ANO10: variants seen among roughly 807,000 people sequenced by gnomAD.
ANO10 encodes anoctamin-10.
Under a neutral mutation model 74.7 loss-of-function variants are expected in ANO10, and 77 were observed. The observed-to-expected ratio is 1.03, with a 90% CI of 0.86 to 1.25. The LOEUF is 1.25. Ranked by LOEUF, ANO10 falls within the 50% of genes most tolerant of loss-of-function variation. ANO10 has a pLI of 0.00. For missense variants in ANO10, 721 were observed against 778.1 expected (o/e 0.93, Z 0.87); for synonymous variants, 279 against 284.9 (o/e 0.98, Z 0.21).
intron 1 of ANO10, among the ~76,000 whole-genome samples, chr3:43,631,360 T>A (rs1010434645): frequency 6.6e-6 from 1 of 152,232 alleles, no homozygotes; most frequent in African/African-American, 2.4e-5. Context: ...GTTTGAGATA[T>A]CTCCTTGTTT....
intron 11 of ANO10, chr3:43,485,195 G>A (rs1260005915): frequency 4.3e-6 from 3 of 700,024 alleles, no homozygotes; most frequent in Non-Finnish European, 7.7e-6. Context: ...CGGTGGTCAG[G>A]TACCGGTATT....
intron 12 of ANO10, among the ~76,000 whole-genome samples, chr3:43,398,176 A>G (rs1168829151): frequency 2.0e-5 from 3 of 152,246 alleles, no homozygotes; most frequent in Non-Finnish European, 4.4e-5. Context: ...AGGGTTGTTT[A>G]GAACAAATAA....
At chr3:43,566,499 A>C (rs1393602319) in intron 7 of ANO10, among the ~76,000 whole-genome samples, 2 of 152,212 alleles carry the variant, frequency 1.3e-5, no homozygotes, top group African/African-American at 4.8e-5. Context: ...GAGAATGGGC[A>C]GACTGCCTCT....
intron 7 of ANO10, among the ~76,000 whole-genome samples, chr3:43,574,423 A>G (rs2080899371): frequency 6.6e-6 from 1 of 151,606 alleles, no homozygotes; most frequent in Admixed American, 6.6e-5. Context: ...GGCCTGCGTC[A>G]TCATAGCCAG....
chr3:43,621,132 C>T (rs1029232532), intron 1 of ANO10, among the ~76,000 whole-genome samples: 1 of 152,164 alleles, frequency 6.6e-6, no homozygotes, highest in Non-Finnish European at 1.5e-5. Context: ...TAAACCTCAG[C>T]TGCACTTTTT....
chr3:43,401,020 G>A (rs2148869574), intron 12 of ANO10, among the ~76,000 whole-genome samples: 1 of 152,252 alleles, frequency 6.6e-6, no homozygotes, highest in South Asian at 2.1e-4. Flanking sequence ...TGTTTCCTGG[G>A]AGAAAAGTAT....
At chr3:43,624,257 T>C (rs940130533), upstream of ANO10, among the ~76,000 whole-genome samples, 1 of 152,196 alleles carries the variant, frequency 6.6e-6, no homozygotes, top group Non-Finnish European at 1.5e-5. Flanking sequence ...TATTATGTTT[T>C]TTCGACCTGA....
intron 1 of ANO10, chr3:43,691,222 G>A: frequency 2.0e-6 from 1 of 506,840 alleles, no homozygotes; most frequent in Non-Finnish European, 3.1e-6. Context: ...CGCTCTGCCT[G>A]GGAGAGGCTC....
At chr3:43,686,660 A>G (rs1358729344) in intron 1 of ANO10, among the ~76,000 whole-genome samples, 2 of 152,238 alleles carry the variant, frequency 1.3e-5, no homozygotes, top group South Asian at 4.1e-4. Context: ...CTAGCCACGT[A>G]TGGCTTCTAA....
chr3:43,634,856 A>T (rs955746047), intron 1 of ANO10, among the ~76,000 whole-genome samples: 7 of 152,280 alleles, frequency 4.6e-5, no homozygotes, highest in Admixed American at 4.6e-4. Context: ...TCGTGAGAGG[A>T]TTGATGGCAG....
At chr3:43,594,911 TA>T (rs1181236710) in intron 4 of ANO10, among the ~76,000 whole-genome samples, 17 of 151,756 alleles carry the variant, frequency 1.1e-4, no homozygotes, top group African/African-American at 4.1e-4. Context: ...ATAGACACAA[TA>T]AAAAATGATA....
At chr3:43,414,367 TTATTAA>T (rs1206612967) in intron 12 of ANO10, among the ~76,000 whole-genome samples, 3 of 152,122 alleles carry the variant, frequency 2.0e-5, no homozygotes, top group East Asian at 1.9e-4. Context: ...ATGTTTAATA[TTATTAA>T]TATTATTAGA....
chr3:43,533,707 A>G (rs1240307361), intron 11 of ANO10, among the ~76,000 whole-genome samples: 1 of 152,224 alleles, frequency 6.6e-6, no homozygotes, highest in Admixed American at 6.5e-5. Flanking sequence ...AATAATAAGC[A>G]CACCAATCAT....
chr3:43,439,590 A>G (rs905894656), intron 11 of ANO10, among the ~76,000 whole-genome samples: 2 of 152,148 alleles, frequency 1.3e-5, no homozygotes, highest in African/African-American at 4.8e-5. Context: ...CAATGGATCA[A>G]AAAATGTAAT....
intron 11 of ANO10, among the ~76,000 whole-genome samples, chr3:43,528,284 T>C (rs923051454): frequency 4.0e-5 from 6 of 151,534 alleles, no homozygotes; most frequent in African/African-American, 1.4e-4. Flanking sequence ...GTATTTCCAT[T>C]TTTGATTTTG....
chr3:43,517,059 T>C (rs2077740984), intron 11 of ANO10, among the ~76,000 whole-genome samples: 1 of 152,156 alleles, frequency 6.6e-6, no homozygotes, highest in African/African-American at 2.4e-5. Flanking sequence ...ACAGCTACCA[T>C]GCTGTAATTA....
chr3:43,507,618 G>T (rs758367932), intron 11 of ANO10, among the ~76,000 whole-genome samples: 2 of 152,096 alleles, frequency 1.3e-5, no homozygotes, highest in African/African-American at 2.4e-5. Context: ...TGGCTGGACT[G>T]CAGGAGAGTC....
At chr3:43,487,118 G>A (rs1213760350) in intron 11 of ANO10, among the ~76,000 whole-genome samples, 30 of 147,970 alleles carry the variant, frequency 2.0e-4, no homozygotes, top group African/African-American at 3.8e-4. Flanking sequence ...ATTGATTTGC[G>A]TATATTGAAC....
At chr3:43,455,660 C>T (rs775102315) in intron 11 of ANO10, among the ~76,000 whole-genome samples, 4 of 152,152 alleles carry the variant, frequency 2.6e-5, no homozygotes, top group Non-Finnish European at 5.9e-5. Flanking sequence ...TTTCTCCTTT[C>T]ACCACCCTAA....
Sources: gnomAD v4.1 joint callset for allele counts (sites outside exome capture counted in the v4.1 genomes callset) on GRCh38, gnomAD v4.1.1 for gene constraint, MANE v1.5 for transcripts, NCBI Gene and HGNC (gene_info 2026-07-23, HGNC 2026-07-21) for gene names.